The following AFF3 variants were observed in gnomAD, a reference collection of about 807,000 sequenced individuals.
AFF3 encodes AF4/FMR2 family member 3.
A neutral mutation model predicts 129.7 loss-of-function variants in AFF3; 32 were observed. The ratio of observed to expected loss-of-function variants is 0.25; its 90% confidence interval spans 0.19 to 0.33. The LOEUF (loss-of-function observed/expected upper bound fraction) is 0.33, where lower values mean the gene tolerates loss of function less well. AFF3 is among the 10% of genes least tolerant of loss of function. The pLI, the probability that AFF3 is intolerant of heterozygous loss-of-function variation, is 1.00. For synonymous variants in AFF3, 644 were observed against 635.4 expected, an observed-to-expected ratio of 1.01 and a Z score of -0.20; for missense variants, 1,373 against 1,592.0, an observed-to-expected ratio of 0.86 and a Z score of 2.34.
chr2:99,630,958 G>A (rs989932274), intron 13 of AFF3: 6 of 444,032 alleles, frequency 1.4e-5, no homozygotes, highest in Non-Finnish European at 2.3e-5. Flanking sequence ...GGGTTTCAAT[G>A]GTCAGTGGAG....
At chr2:99,772,452 T>C (rs1683570496) in intron 8 of AFF3, among the ~76,000 whole-genome samples, 1 of 152,190 alleles carries the variant, frequency 6.6e-6, no homozygotes, top group Non-Finnish European at 1.5e-5. Context: ...ACACAGAAAT[T>C]GCCTGGCTAT....
intron 7 of AFF3, among the ~76,000 whole-genome samples, chr2:99,957,992 G>A (rs1392914890): frequency 6.6e-6 from 1 of 152,032 alleles, no homozygotes; most frequent in Non-Finnish European, 1.5e-5. Context: ...TCAAACTCCT[G>A]GGCAGTTTTA....
intron 7 of AFF3, among the ~76,000 whole-genome samples, chr2:99,875,900 G>A (rs1692261647): frequency 6.6e-6 from 1 of 152,044 alleles, no homozygotes; most frequent in Non-Finnish European, 1.5e-5. Context: ...GGCCATTCAC[G>A]ATCTGCATGT....
At chr2:99,793,653 C>T (rs1038424404) in intron 8 of AFF3, among the ~76,000 whole-genome samples, 4 of 152,220 alleles carry the variant, frequency 2.6e-5, no homozygotes, top group South Asian at 4.1e-4. Context: ...ATTAATCATT[C>T]GCGTTTTCTC....
At chr2:99,742,192 AG>A (rs1430127476) in intron 10 of AFF3, among the ~76,000 whole-genome samples, 4 of 152,082 alleles carry the variant, frequency 2.6e-5, no homozygotes, top group Admixed American at 2.6e-4. Flanking sequence ...GCTGTCTATA[AG>A]AAAAATTTTA....
intron 4 of AFF3, among the ~76,000 whole-genome samples, chr2:100,055,330 G>T (rs1016573032): frequency 6.6e-6 from 1 of 151,992 alleles, no homozygotes; most frequent in Non-Finnish European, 1.5e-5. Context: ...AGATTGGATT[G>T]CACAGTACAT....
chr2:99,933,237 T>G (rs2106310061), intron 7 of AFF3, among the ~76,000 whole-genome samples: 1 of 152,282 alleles, frequency 6.6e-6, no homozygotes, highest in East Asian at 1.9e-4. Flanking sequence ...AATCAAAGAC[T>G]TGGGGATTAC....
At chr2:99,905,593 C>T (rs554847771) in intron 7 of AFF3, among the ~76,000 whole-genome samples, 2 of 152,202 alleles carry the variant, frequency 1.3e-5, no homozygotes, top group African/African-American at 4.8e-5. Flanking sequence ...TAGCTTCCTG[C>T]ATTTCTGCGT....
intron 8 of AFF3, among the ~76,000 whole-genome samples, chr2:99,797,733 G>A (rs1291438283): frequency 2.0e-5 from 3 of 152,084 alleles, no homozygotes; most frequent in African/African-American, 7.2e-5. Flanking sequence ...TGGAAACAAT[G>A]CAAGTAAGAA....
At chr2:99,819,128 G>A (rs576621793) in intron 8 of AFF3, among the ~76,000 whole-genome samples, 3 of 152,158 alleles carry the variant, frequency 2.0e-5, no homozygotes, top group South Asian at 4.1e-4. Flanking sequence ...GATTTATGAC[G>A]TCCCACTGGC....
At chr2:99,981,761 C>T (rs1263990010) in intron 7 of AFF3, among the ~76,000 whole-genome samples, 1 of 152,124 alleles carries the variant, frequency 6.6e-6, no homozygotes, top group Non-Finnish European at 1.5e-5. Context: ...AAACTGTCTG[C>T]AATGTTTTCC....
intron 7 of AFF3, among the ~76,000 whole-genome samples, chr2:99,984,737 C>A (rs890833461): frequency 6.6e-6 from 1 of 151,822 alleles, no homozygotes; most frequent in Non-Finnish European, 1.5e-5. Flanking sequence ...ACAGGAACTG[C>A]TTGCTGCCTG....
intron 4 of AFF3, among the ~76,000 whole-genome samples, chr2:100,037,793 TA>T (rs1248412445): frequency 1.3e-4 from 17 of 135,950 alleles, no homozygotes; most frequent in East Asian, 4.0e-4. Flanking sequence ...ATATATTATA[TA>T]AAAATATATA....
intron 18 of AFF3, among the ~76,000 whole-genome samples, chr2:99,578,051 A>G (rs529967610): frequency 1.3e-5 from 2 of 152,350 alleles, no homozygotes; most frequent in Non-Finnish European, 2.9e-5. Flanking sequence ...TGTAAGACTC[A>G]TTAATGCTAT....
At chr2:99,898,768 C>T (rs769614680) in intron 7 of AFF3, among the ~76,000 whole-genome samples, 4 of 152,188 alleles carry the variant, frequency 2.6e-5, no homozygotes, top group African/African-American at 4.8e-5. Context: ...TTCAGTCATA[C>T]ATTTTCATCT....
intron 11 of AFF3, among the ~76,000 whole-genome samples, chr2:99,711,249 G>A (rs867885027): frequency 2.6e-5 from 4 of 152,170 alleles, no homozygotes; most frequent in Admixed American, 6.6e-5. Flanking sequence ...TGGAGCAGGC[G>A]GACCCAGTCG....
chr2:99,704,215 T>C (rs889731025), intron 11 of AFF3, among the ~76,000 whole-genome samples: 8 of 152,218 alleles, frequency 5.3e-5, no homozygotes, highest in Non-Finnish European at 1.0e-4. Flanking sequence ...TTTTTACTCA[T>C]CCTGTTCTCC....
At chr2:100,087,828 T>C (rs1689564643) in intron 4 of AFF3, among the ~76,000 whole-genome samples, 1 of 151,334 alleles carries the variant, frequency 6.6e-6, no homozygotes, top group Non-Finnish European at 1.5e-5. Context: ...TGGTTCAACA[T>C]ATAAAAATCA....
chr2:99,769,763 G>T (rs1296951713), intron 8 of AFF3, among the ~76,000 whole-genome samples: 1 of 152,214 alleles, frequency 6.6e-6, no homozygotes, highest in Non-Finnish European at 1.5e-5. Flanking sequence ...CTGCCTTGGT[G>T]GTCTCGGATA....
Sources: gnomAD v4.1 joint callset for allele counts (sites outside exome capture counted in the v4.1 genomes callset) on GRCh38, gnomAD v4.1.1 for gene constraint, MANE v1.5 for transcripts, NCBI Gene and HGNC (gene_info 2026-07-23, HGNC 2026-07-21) for gene names.